Variants in BMPR2 observed in about 807,000 individuals in gnomAD.
BMPR2 encodes the protein bone morphogenetic protein receptor type-2.
A neutral mutation model predicts 100.8 loss-of-function variants in BMPR2; 29 were observed. That is an observed-to-expected ratio of 0.29 (90% CI 0.21 to 0.39). The LOEUF (loss-of-function observed/expected upper bound fraction) is 0.39. BMPR2 is among the 10% of genes least tolerant of loss of function. The pLI, the probability that BMPR2 is intolerant of heterozygous loss-of-function variation, is 1.00. For synonymous variants in BMPR2, 382 were observed against 442.3 expected (o/e 0.86, Z 1.71); for missense variants, 1,011 against 1,274.5 (o/e 0.79, Z 3.15).
chr2:202,389,547 A>C (rs1690504069), intron 1 of BMPR2, among the ~76,000 whole-genome samples: 1 of 147,774 alleles, frequency 6.8e-6, no homozygotes, highest in African/African-American at 2.5e-5. Flanking sequence ...AAAAAAAAAG[A>C]CTTGTTTTTG....
Position 202,536,537 on chromosome 2 carries a change from G to T in BMPR2, c.1276+3805G>T, listed in dbSNP as rs182033868. 2.6e-5 allele frequency among the ~76,000 whole-genome samples: 4 copies of T among 152,044 alleles called. No individual in the cohort carries two copies. The East Asian group carries it at 7.8e-4, about 30-fold the overall frequency. On this transcript the variant is annotated intron_variant, in intron 9 of 12. Transcript: ENST00000374580. ...ATTAAAAGTACAGAGATTCAATTGA[G>T]GCATTTTTCTGAAAATAGCAGTAAT...
At chr2:202,419,500 G>A (rs1423576370) in intron 1 of BMPR2, among the ~76,000 whole-genome samples, 1 of 152,118 alleles carries the variant, frequency 6.6e-6, no homozygotes, top group East Asian at 1.9e-4. Context: ...GGGATTACAG[G>A]CGCGTGCCAC....
At chr2:202,428,078 TA>T (rs1245322683) in intron 1 of BMPR2, among the ~76,000 whole-genome samples, 2 of 152,150 alleles carry the variant, frequency 1.3e-5, no homozygotes, top group Admixed American at 1.3e-4. Context: ...TAATTTCCCC[TA>T]GGGGTAACTG....
At chr2:202,408,217 T>C (rs1011130944) in intron 1 of BMPR2, among the ~76,000 whole-genome samples, 2 of 152,234 alleles carry the variant, frequency 1.3e-5, no homozygotes, top group African/African-American at 2.4e-5. Context: ...CTCTGAATAG[T>C]CATGTCTGAT....
chr2:202,381,777 G>A (rs1485751421), intron 1 of BMPR2, among the ~76,000 whole-genome samples: 1 of 152,078 alleles, frequency 6.6e-6, no homozygotes, highest in East Asian at 1.9e-4. Flanking sequence ...AAGCTATTCT[G>A]GCATGTGGGA....
At chr2:202,431,171 A>T (rs532120447) in intron 1 of BMPR2, among the ~76,000 whole-genome samples, 2 of 150,620 alleles carry the variant, frequency 1.3e-5, no homozygotes, top group Non-Finnish European at 2.9e-5. Flanking sequence ...GGTGTCCATC[A>T]TGTCTCCTTT....
At chr2:202,515,192 C>T (rs759039477) in intron 5 of BMPR2, among the ~76,000 whole-genome samples, 12 of 151,926 alleles carry the variant, frequency 7.9e-5, no homozygotes, top group South Asian at 2.1e-4. Flanking sequence ...CAGACAGGTA[C>T]AGGAATGTAT....
At position 202,495,954 on chromosome 2, in the gene BMPR2, A is replaced by G. The variant is rs1000476653; in HGVS notation, c.419-17765A>G. ...TAGGAGGACCTTAAAAGTCACTTAC[A>G]AGATCACTTATTTTTATTTTATAGT... On this transcript the variant is annotated intron_variant, in intron 3 of 12. Coordinates refer to ENST00000374580, the MANE Select transcript of BMPR2 (RefSeq NM_001204.7). This position sits in a 1 kb window ranked among gnomAD's most constrained non-coding sequence, Gnocchi z 4.5. 2.6e-5 allele frequency among the ~76,000 whole-genome samples: 4 copies of G among 152,212 alleles called. No individual in the cohort carries two copies. Among genetic ancestry groups the G allele is most frequent in the African/African-American group, 9.6e-5 (4 of 41,466 alleles).
chr2:202,536,043 C>T lies in BMPR2; in HGVS notation c.1276+3311C>T, dbSNP rs548925591. On this transcript the variant is annotated intron_variant, in intron 9 of 12. Transcript: ENST00000374580. ...GCAGCAGTACAGTCCAGCTTCGGCT[C>T]GGCATGAGAGGGAGACCGTGGAAAG... is the stretch of plus-strand genomic sequence containing the variant. Among the ~76,000 whole-genome samples the T allele has an allele frequency of 5.3e-5, 8 of 152,160 alleles. No individual in the cohort carries two copies. In the South Asian group the frequency reaches 1.2e-3, roughly 24 times the overall value.
At chr2:202,408,146 T>G (rs914326726) in intron 1 of BMPR2, among the ~76,000 whole-genome samples, 13 of 152,170 alleles carry the variant, frequency 8.5e-5, no homozygotes, top group Admixed American at 2.6e-4. Context: ...AACTCAGGAT[T>G]TCATAAAGAA....
At chr2:202,475,105 T>G (rs1692519430) in intron 3 of BMPR2, 1 of 152,196 alleles carries the variant, frequency 6.6e-6, no homozygotes, top group Non-Finnish European at 1.5e-5. Flanking sequence ...TTGTTTAACA[T>G]AAATATTTTC....
chr2:202,450,517 C>A (rs1426028318), intron 1 of BMPR2, among the ~76,000 whole-genome samples: 3 of 151,902 alleles, frequency 2.0e-5, no homozygotes, highest in Non-Finnish European at 4.4e-5. Context: ...CATGGAGAAA[C>A]CCTGTCTCTA....
In BMPR2 at chr2:202,556,380, C is replaced by T; in HGVS notation, c.2715C>T (p.Asn905=). ...LEGGRTNSNN[N]NSNPCSEQDV... is the part of the protein sequence containing the mutation. ...GTGGCCGAACTAATTCCAATAACAA[C>T]AACAGCAATCCATGTTCAGAACAAG... The change falls in exon 12 of 13, where the codon AAC becomes AAT. Residue 905 remains asparagine (N), a synonymous_variant. Coordinates refer to ENST00000374580, the MANE Select transcript of BMPR2 (RefSeq NM_001204.7). 6.2e-7 allele frequency: 1 copy of T among 1,614,190 alleles called. No homozygotes were observed. Among genetic ancestry groups the T allele is most frequent in the Non-Finnish European group, 8.5e-7 (1 of 1,180,042 alleles).
chr2:202,451,232 CT>C (rs1691972824), intron 1 of BMPR2, among the ~76,000 whole-genome samples: 1 of 152,172 alleles, frequency 6.6e-6, no homozygotes, highest in Non-Finnish European at 1.5e-5. Context: ...ATAGATCCTA[CT>C]TTTCAATTAT....
intron 11 of BMPR2, among the ~76,000 whole-genome samples, chr2:202,554,346 A>G (rs1688527212): frequency 6.6e-6 from 1 of 152,114 alleles, no homozygotes; most frequent in Admixed American, 6.5e-5. Context: ...TGATTTGGCC[A>G]CTTTTCGCCT....
intron 2 of BMPR2, among the ~76,000 whole-genome samples, 164 bp downstream of exon 2, chr2:202,465,143 T>G (rs2105960038): frequency 6.6e-6 from 1 of 152,302 alleles, no homozygotes; most frequent in Non-Finnish European, 1.5e-5. Flanking sequence ...TCCAGCACTT[T>G]TCGAGGCTGA....
chr2:202,506,910 T>A (rs889873178), intron 3 of BMPR2, among the ~76,000 whole-genome samples: 1 of 148,860 alleles, frequency 6.7e-6, no homozygotes. Context: ...CAAAAAACAA[T>A]AACAGCAAAA....
intron 12 of BMPR2, among the ~76,000 whole-genome samples, chr2:202,556,859 C>T (rs896452760): frequency 6.7e-6 from 1 of 148,690 alleles, no homozygotes; most frequent in Non-Finnish European, 1.5e-5. Context: ...CCAAGGCGGG[C>T]AGATTACTTG....
intron 3 of BMPR2, among the ~76,000 whole-genome samples, chr2:202,483,007 C>G (rs1025025669): frequency 2.0e-5 from 3 of 152,108 alleles, no homozygotes. Context: ...TACAAGGGTT[C>G]CAGTTTCTTC....
Sources: allele counts gnomAD v4.1 joint callset (sites outside exome capture counted in the v4.1 genomes callset), GRCh38; gene constraint gnomAD v4.1.1; non-coding constraint Gnocchi (gnomAD v3.1); transcripts MANE v1.5; gene names NCBI Gene and HGNC (gene_info 2026-07-23, HGNC 2026-07-21).